The following EPHA4 variants were observed in gnomAD, a reference collection of about 807,000 sequenced individuals.
The protein encoded by EPHA4 is ephrin type-A receptor 4.
Under a neutral mutation model 108.3 loss-of-function variants are expected in EPHA4, and 19 were observed. That is an observed-to-expected ratio of 0.18 (90% CI 0.12 to 0.26). EPHA4 has a LOEUF of 0.26. Ranked by LOEUF, EPHA4 falls within the 10% of genes least tolerant of loss-of-function variation. The pLI, the probability that EPHA4 is intolerant of heterozygous loss-of-function variation, is 1.00. For missense variants in EPHA4, 917 were observed against 1,254.0 expected (o/e 0.73, Z 4.06); for synonymous variants, 449 against 455.5 (o/e 0.99, Z 0.18).
Position 221,435,799 on chromosome 2 carries a change from TATAA to T in EPHA4, c.2346+596_2346+599del, listed in dbSNP as rs534133744. 2.6e-5 allele frequency among the ~76,000 whole-genome samples: 4 copies of T among 152,306 alleles called. No individual in the cohort carries two copies. In the East Asian group the frequency reaches 7.7e-4, roughly 29 times the overall value. ...TTAGATACTGGAAAACCTTGCATGGTATAAATGTTTTATAAATCCTGTATATACA... is the reference window on the plus strand; with the variant it reads ...TTAGATACTGGAAAACCTTGCATGGTATGTTTTATAAATCCTGTATATACA... On this transcript the variant is annotated intron_variant, in intron 13 of 17. Coordinates refer to ENST00000281821, the MANE Select transcript of EPHA4 (RefSeq NM_004438.5).
At chr2:221,508,703 C>CAG (rs1228863859) in intron 3 of EPHA4, among the ~76,000 whole-genome samples, 1 of 151,970 alleles carries the variant, frequency 6.6e-6, no homozygotes, top group Non-Finnish European at 1.5e-5. Context: ...AATTATGGGA[C>CAG]AGAGCCTGGA....
chr2:221,469,140 A>G (rs1002203502), intron 5 of EPHA4, among the ~76,000 whole-genome samples: 12 of 152,228 alleles, frequency 7.9e-5, no homozygotes, highest in Non-Finnish European at 1.2e-4. Context: ...AGAAAAGAGT[A>G]TGTGTTGGAT....
At chr2:221,547,770 G>A (rs1364375467) in intron 3 of EPHA4, among the ~76,000 whole-genome samples, 1 of 152,110 alleles carries the variant, frequency 6.6e-6, no homozygotes, top group Non-Finnish European at 1.5e-5. Flanking sequence ...GTCTATCTGG[G>A]TTCAAATTGT....
intron 3 of EPHA4, among the ~76,000 whole-genome samples, chr2:221,537,717 G>A (rs1559284427): frequency 6.6e-6 from 1 of 152,236 alleles, no homozygotes; most frequent in Non-Finnish European, 1.5e-5. Context: ...TTGAACCTAA[G>A]AGTTGGAGGC....
At chr2:221,510,818 T>G (rs1366105243) in intron 3 of EPHA4, among the ~76,000 whole-genome samples, 2 of 152,174 alleles carry the variant, frequency 1.3e-5, no homozygotes, top group African/African-American at 4.8e-5. Context: ...TTTGGTGAGT[T>G]TGGAAGGAGT....
intron 12 of EPHA4, 56 bp from the exon 13 acceptor site, chr2:221,436,664 C>T: frequency 6.6e-7 from 1 of 1,519,206 alleles, no homozygotes; most frequent in Non-Finnish European, 9.1e-7. Context: ...AGTTAATTCT[C>T]ACCAAGCATT....
intron 17 of EPHA4, among the ~76,000 whole-genome samples, chr2:221,424,429 G>A (rs974086669): frequency 8.0e-5 from 12 of 150,050 alleles, no homozygotes; most frequent in Admixed American, 5.3e-4. Flanking sequence ...AAGAAAGGTC[G>A]TTAAAATCAG....
intron 3 of EPHA4, among the ~76,000 whole-genome samples, chr2:221,526,852 C>CAAAAAAAAAAAAAAAAAAA (rs528335766): frequency 2.1e-5 from 1 of 48,590 alleles, no homozygotes; most frequent in African/African-American, 8.3e-5. Context: ...GACTCGGCCT[C>CAAAAAAAAAAAAAAAAAAA]AAAAAAAAAA....
At chr2:221,441,437 A>T (rs1690425876) in intron 11 of EPHA4, among the ~76,000 whole-genome samples, 1 of 151,818 alleles carries the variant, frequency 6.6e-6, no homozygotes, top group South Asian at 2.1e-4. Flanking sequence ...TTATCTTCCT[A>T]TTCCTTCCCC....
At chr2:221,434,580 T>C (rs1690174616) in intron 13 of EPHA4, among the ~76,000 whole-genome samples, 1 of 152,250 alleles carries the variant, frequency 6.6e-6, no homozygotes, top group Non-Finnish European at 1.5e-5. Context: ...AATCTCAGGT[T>C]TTACAAAATA....
Position 221,436,377 on chromosome 2 carries a change from AGATGTCACC to A in EPHA4, c.2346+13_2346+21del. The A allele has an allele frequency of 6.2e-7, 1 of 1,607,984 alleles. No homozygotes were observed. Among genetic ancestry groups the A allele is most frequent in the Non-Finnish European group, 8.5e-7 (1 of 1,174,472 alleles). On this transcript the variant is annotated intron_variant, in intron 13 of 17. Transcript: ENST00000281821. Reference sequence around the variant, plus strand: ...AACAGTTTCACCAGAGTGAAAGCCCAGATGTCACCGATCTTTCTTACCCTGGTGGTGTAA... The same window carrying A: ...AACAGTTTCACCAGAGTGAAAGCCCAGATCTTTCTTACCCTGGTGGTGTAA...
At chr2:221,492,068 C>A (rs1005643504) in intron 4 of EPHA4, among the ~76,000 whole-genome samples, 1 of 152,090 alleles carries the variant, frequency 6.6e-6, no homozygotes, top group Non-Finnish European at 1.5e-5. Context: ...GTGTAATTAA[C>A]CTTGTTTCAT....
At chr2:221,437,799 T>C (rs559144091) in intron 11 of EPHA4, among the ~76,000 whole-genome samples, 14 of 150,334 alleles carry the variant, frequency 9.3e-5, no homozygotes, top group Non-Finnish European at 1.8e-4. Context: ...GGCAGGCGCC[T>C]GTAATCCCAG....
intron 2 of EPHA4, among the ~76,000 whole-genome samples, chr2:221,565,124 A>G (rs1457349194): frequency 1.3e-5 from 2 of 152,212 alleles, no homozygotes; most frequent in Non-Finnish European, 2.9e-5. Context: ...TAGACAAATA[A>G]CAAAACTAGA....
intron 17 of EPHA4, among the ~76,000 whole-genome samples, chr2:221,422,312 T>C (rs747758790): frequency 1.3e-5 from 2 of 152,172 alleles, no homozygotes; most frequent in East Asian, 3.9e-4. Context: ...GAGGAGAACA[T>C]GAATATGATC....
intron 3 of EPHA4, among the ~76,000 whole-genome samples, chr2:221,508,358 C>T (rs1692695291): frequency 6.6e-6 from 1 of 152,016 alleles, no homozygotes; most frequent in Non-Finnish European, 1.5e-5. Context: ...GCAGACTGAT[C>T]ACCTGAGGTC....
intron 15 of EPHA4, among the ~76,000 whole-genome samples, chr2:221,426,996 G>C (rs556390207): frequency 6.6e-6 from 1 of 152,256 alleles, no homozygotes; most frequent in Non-Finnish European, 1.5e-5. Flanking sequence ...GAATATTACA[G>C]ACTTTCGTTC....
At chr2:221,483,640 C>T (rs1198215046) in intron 4 of EPHA4, among the ~76,000 whole-genome samples, 1 of 151,822 alleles carries the variant, frequency 6.6e-6, no homozygotes, top group Admixed American at 6.6e-5. Flanking sequence ...CTCAGCCTCC[C>T]AAGTAGCTGA....
At chr2:221,479,558 T>C (rs187947541) in intron 5 of EPHA4, among the ~76,000 whole-genome samples, 172 of 152,362 alleles carry the variant, frequency 1.1e-3, no homozygotes, top group Admixed American at 2.2e-3. Context: ...AATGAAATGA[T>C]AGGAGCAATT....
Sources: gnomAD v4.1 joint callset for allele counts (sites outside exome capture counted in the v4.1 genomes callset) on GRCh38, gnomAD v4.1.1 for gene constraint, MANE v1.5 for transcripts, NCBI Gene and HGNC (gene_info 2026-07-23, HGNC 2026-07-21) for gene names.